FHIT: variants seen among roughly 807,000 people sequenced by gnomAD.
The protein encoded by FHIT is bis(5'-adenosyl)-triphosphatase.
Under a neutral mutation model 17.9 loss-of-function variants are expected in FHIT, and 19 were observed. The observed-to-expected ratio is 1.06, with a 90% CI of 0.74 to 1.56. The LOEUF (loss-of-function observed/expected upper bound fraction) is 1.56. Ranked by LOEUF, FHIT falls within the 40% of genes most tolerant of loss-of-function variation. FHIT has a pLI of 0.00. For synonymous variants in FHIT, 81 were observed against 69.7 expected, an observed-to-expected ratio of 1.16 and a Z score of -0.81; for missense variants, 248 against 189.2, an observed-to-expected ratio of 1.31 and a Z score of -1.82.
intron 1 of FHIT, among the ~76,000 whole-genome samples, chr3:61,202,420 C>A (rs925442369): frequency 6.6e-6 from 1 of 151,974 alleles, no homozygotes; most frequent in African/African-American, 2.4e-5. Flanking sequence ...CGCTGTGCAA[C>A]CTTCCAAGTG....
intron 3 of FHIT, among the ~76,000 whole-genome samples, chr3:60,870,086 A>G (rs1239445241): frequency 5.3e-5 from 8 of 152,010 alleles, no homozygotes; most frequent in African/African-American, 1.4e-4. Flanking sequence ...CTTAGCTTCC[A>G]TTTTCCTTCT....
intron 7 of FHIT, among the ~76,000 whole-genome samples, chr3:59,984,255 A>G (rs553427216): frequency 6.6e-6 from 1 of 152,246 alleles, no homozygotes; most frequent in East Asian, 1.9e-4. Context: ...GAATCTGAGT[A>G]CAAATGGATT....
chr3:61,101,070 C>T (rs548744307), intron 2 of FHIT, among the ~76,000 whole-genome samples: 37 of 152,298 alleles, frequency 2.4e-4, no homozygotes, highest in Admixed American at 3.3e-4. Context: ...TTAATTAGAT[C>T]GCATTTGTCA....
At chr3:60,530,364 G>A (rs146219822) in intron 5 of FHIT, among the ~76,000 whole-genome samples, 1 of 152,282 alleles carries the variant, frequency 6.6e-6, no homozygotes, top group East Asian at 1.9e-4. Context: ...TTTTGAAGGG[G>A]CCAGGGCAAA....
intron 4 of FHIT, among the ~76,000 whole-genome samples, chr3:60,563,017 C>A (rs542885620): frequency 6.6e-6 from 1 of 152,188 alleles, no homozygotes; most frequent in African/African-American, 2.4e-5. Flanking sequence ...AAATTTTATC[C>A]CTATAAAATG....
intron 4 of FHIT, among the ~76,000 whole-genome samples, chr3:60,727,159 C>T (rs374934622): frequency 6.6e-6 from 1 of 151,802 alleles, no homozygotes; most frequent in Admixed American, 6.6e-5. Context: ...AAACAATTTC[C>T]CTTTCAGTTT....
chr3:60,238,499 C>A lies in FHIT; in HGVS notation c.104-224347G>T, dbSNP rs894226942. ...CCATGGAAAATGAACACAAAAGATG[C>A]TTTCTAAAATGCTGAAAAGCATAAA... is the stretch of plus-strand genomic sequence containing the variant. On this transcript the variant is annotated intron_variant, in intron 5 of 9. Coordinates refer to ENST00000492590, the MANE Select transcript of FHIT (RefSeq NM_002012.4). Among the ~76,000 whole-genome samples the A allele has an allele frequency of 2.7e-5, 4 of 146,380 alleles. No individual in the cohort carries two copies. In the South Asian group the frequency reaches 8.6e-4, roughly 31 times the overall value.
At chr3:60,450,903 A>G (rs113964927) in intron 5 of FHIT, among the ~76,000 whole-genome samples, 100 of 152,326 alleles carry the variant, frequency 6.6e-4, no homozygotes, top group African/African-American at 2.4e-3. Context: ...GAGAATAAAT[A>G]GTAGACTATT....
chr3:60,667,760 C>T (rs1183683151), intron 4 of FHIT, among the ~76,000 whole-genome samples: 1 of 152,130 alleles, frequency 6.6e-6, no homozygotes, highest in African/African-American at 2.4e-5. Flanking sequence ...GTCAGTAACC[C>T]TGTTAAATTA....
At chr3:60,814,332 T>A (rs1402070158) in intron 4 of FHIT, among the ~76,000 whole-genome samples, 5 of 152,234 alleles carry the variant, frequency 3.3e-5, no homozygotes, top group African/African-American at 1.2e-4. Context: ...ACTCACCATT[T>A]GGTTTTTCAA....
At chr3:59,926,494 G>A (rs993049604) in intron 7 of FHIT, among the ~76,000 whole-genome samples, 4 of 152,086 alleles carry the variant, frequency 2.6e-5, no homozygotes, top group Non-Finnish European at 4.4e-5. Flanking sequence ...AAAACATAAC[G>A]GTATAAGGTA....
At chr3:60,261,698 G>A (rs113676538) in intron 5 of FHIT, among the ~76,000 whole-genome samples, 28 of 152,040 alleles carry the variant, frequency 1.8e-4, no homozygotes, top group East Asian at 3.9e-4. Context: ...TACTGATGAC[G>A]TTCAGGACAC....
At chr3:60,694,191 T>C (rs2041060990) in intron 4 of FHIT, among the ~76,000 whole-genome samples, 1 of 152,194 alleles carries the variant, frequency 6.6e-6, no homozygotes, top group Non-Finnish European at 1.5e-5. Context: ...TGCTGACCTT[T>C]ACTGTTTTCT....
At chr3:60,908,714 G>GAAA (rs5849399) in intron 3 of FHIT, among the ~76,000 whole-genome samples, 2 of 117,396 alleles carry the variant, frequency 1.7e-5, no homozygotes, top group African/African-American at 6.3e-5. Context: ...AGTCTCTTAT[G>GAAA]AAAAAAAAAA....
At chr3:61,005,245 T>A (rs2031366321) in intron 3 of FHIT, among the ~76,000 whole-genome samples, 1 of 152,248 alleles carries the variant, frequency 6.6e-6, no homozygotes, top group Non-Finnish European at 1.5e-5. Context: ...CATTATTTTA[T>A]GTAGATGGGC....
chr3:61,219,523 A>G (rs1171694141), intron 1 of FHIT, among the ~76,000 whole-genome samples: 1 of 152,184 alleles, frequency 6.6e-6, no homozygotes, highest in Admixed American at 6.5e-5. Context: ...TCTAAACTAC[A>G]GGCCATGAAA....
At chr3:61,145,666 ATC>A (rs1277399739) in intron 2 of FHIT, among the ~76,000 whole-genome samples, 1 of 152,084 alleles carries the variant, frequency 6.6e-6, no homozygotes, top group East Asian at 1.9e-4. Flanking sequence ...AACATGGCAT[ATC>A]TTTCCATTTA....
At chr3:60,048,041 T>G (rs950336852) in intron 5 of FHIT, among the ~76,000 whole-genome samples, 2 of 152,236 alleles carry the variant, frequency 1.3e-5, no homozygotes, top group African/African-American at 4.8e-5. Context: ...CTCTCTCCCC[T>G]TGGCTTGCAG....
rs559134620 is a variant in FHIT at position 60,873,842 on chromosome 3, T to G, written c.-110-51831A>C. 1.1e-4 allele frequency among the ~76,000 whole-genome samples: 17 copies of G among 152,232 alleles called. 1 individual carries two copies. The South Asian group carries it at 3.3e-3, about 30-fold the overall frequency. ...TCAACAGCAAAGCCCTTTACAATAT[T>G]TAGATAAACTTCGATGTATAGAAAG... On this transcript the variant is annotated intron_variant, in intron 3 of 9. Coordinates refer to ENST00000492590, the MANE Select transcript of FHIT (RefSeq NM_002012.4).
Sources: allele counts gnomAD v4.1 joint callset (sites outside exome capture counted in the v4.1 genomes callset), GRCh38; gene constraint gnomAD v4.1.1; transcripts MANE v1.5; gene names NCBI Gene and HGNC (gene_info 2026-07-23, HGNC 2026-07-21).